IL22RA2: variants seen among roughly 807,000 people sequenced by gnomAD.
IL22RA2 encodes interleukin 22 receptor subunit alpha 2.
A neutral mutation model predicts 30.7 loss-of-function variants in IL22RA2; 39 were observed. That is an observed-to-expected ratio of 1.27 (90% CI 0.98 to 1.66). IL22RA2 has a LOEUF of 1.66. Among genes scored for constraint, IL22RA2 ranks in the 40% most tolerant of loss-of-function variants. The probability of loss-of-function intolerance (pLI) is 0.00; values close to 1 mark genes in which losing one functional copy is unlikely to be tolerated. For missense variants in IL22RA2, 315 were observed against 312.7 expected (o/e 1.01, Z -0.05); for synonymous variants, 103 against 105.0 (o/e 0.98, Z 0.11).
intron 2 of IL22RA2, among the ~76,000 whole-genome samples, chr6:137,161,201 C>T (rs1778514609): frequency 6.6e-6 from 1 of 152,188 alleles, no homozygotes; most frequent in Non-Finnish European, 1.5e-5. Context: ...AATCCCCATT[C>T]TACTAATGAG....
At chr6:137,147,395 A>AT (rs1778202440) in intron 6 of IL22RA2, among the ~76,000 whole-genome samples, 1 of 150,530 alleles carries the variant, frequency 6.6e-6, no homozygotes, top group Non-Finnish European at 1.5e-5. Context: ...AAATAAATAA[A>AT]TAAATAAATA....
intron 5 of IL22RA2, among the ~76,000 whole-genome samples, chr6:137,153,140 A>G (rs1778325060): frequency 6.6e-6 from 1 of 152,176 alleles, no homozygotes; most frequent in African/African-American, 2.4e-5. Flanking sequence ...GGGACCACAC[A>G]TACACCCATA....
Position 137,158,355 on chromosome 6 carries a change from C to A in IL22RA2, c.189G>T (p.Gln63His). 6.2e-7 allele frequency: 1 copy of A among 1,614,134 alleles called. No individual in the cohort carries two copies. The highest frequency in any genetic ancestry group is 8.5e-7 in the Non-Finnish European group (1 of 1,179,968). ...AGGCTCAATTTACTTACATTTTGTA[C>A]TGCACAAAATAGACACTGCTGTTGC... ...LTGNSSVYFV[Q>H]YKIMFSCSMK... The change falls in exon 3 of 7, where the codon CAG becomes CAT. Residue 63 changes from glutamine (Q) to histidine (H), a missense_variant. Coordinates refer to ENST00000296980, the MANE Select transcript of IL22RA2 (RefSeq NM_052962.3).
chr6:137,157,403 C>A (rs77590198), intron 3 of IL22RA2, among the ~76,000 whole-genome samples: 6,374 of 152,202 alleles, frequency 0.042, 160 homozygotes, highest in Middle Eastern at 0.085. Context: ...AAGATTTGTA[C>A]ATTTTACAAT....
intron 5 of IL22RA2, among the ~76,000 whole-genome samples, chr6:137,149,548 T>C (rs528578384): frequency 6.6e-4 from 100 of 152,300 alleles, no homozygotes; most frequent in Non-Finnish European, 3.4e-4. Context: ...TAAATGTCCC[T>C]CCAGGAATAA....
Position 137,145,578 on chromosome 6 carries a change from A to G in IL22RA2, c.*46T>C, listed in dbSNP as rs996537801. 2 of 1,558,412 alleles carry G rather than the reference A, an allele frequency of 1.3e-6. No individual in the cohort carries two copies. The highest frequency in any genetic ancestry group is 3.8e-5 in the Admixed American group (2 of 52,892). ...TTCAAACACGAGTCATCCTGTTCTC[A>G]GGGAGCTTTAGAATTTCCACATTGC... On this transcript the variant is annotated 3_prime_UTR_variant, in exon 7 of 7. Coordinates refer to ENST00000296980, the MANE Select transcript of IL22RA2 (RefSeq NM_052962.3).
intron 2 of IL22RA2, among the ~76,000 whole-genome samples, chr6:137,160,420 T>C (rs751791463): frequency 2.6e-5 from 4 of 152,208 alleles, no homozygotes; most frequent in Non-Finnish European, 5.9e-5. Context: ...TGAAGGAGAT[T>C]GCCAGGCAGC....
At chr6:137,163,157 A>G (rs1363600127) in intron 1 of IL22RA2, among the ~76,000 whole-genome samples, 1 of 152,194 alleles carries the variant, frequency 6.6e-6, no homozygotes, top group Non-Finnish European at 1.5e-5. Flanking sequence ...TCTTTCTCAA[A>G]ATATAACAAA....
Position 137,145,698 on chromosome 6 carries a change from C to T in IL22RA2, c.718G>A (p.Val240Met), listed in dbSNP as rs1778164849. 4 of 1,613,698 alleles carry T rather than the reference C, an allele frequency of 2.5e-6. No individual in the cohort carries two copies. In the South Asian group the frequency reaches 4.4e-5, roughly 18 times the overall value. The change falls in exon 7 of 7, where the codon GTG becomes ATG. Residue 240 changes from valine to methionine, a missense_variant. Val to Met is a conservative substitution (Grantham distance 21). Coordinates refer to ENST00000296980, the MANE Select transcript of IL22RA2 (RefSeq NM_052962.3). ...ALTPHSSYCV[V>M]AEIYQPMLDR... ...AACATGGGCTGATATATTTCAGCCA[C>T]TACACAGTAGCTGGAGTGTGGTGTT...
intron 5 of IL22RA2, among the ~76,000 whole-genome samples, chr6:137,152,277 T>TA (rs1328847918): frequency 6.6e-6 from 1 of 152,160 alleles, no homozygotes; most frequent in African/African-American, 2.4e-5. Flanking sequence ...CATGACTGTT[T>TA]ATAGTAGCAT....
At chr6:137,149,730 G>A (rs538775827) in intron 5 of IL22RA2, among the ~76,000 whole-genome samples, 1 of 152,304 alleles carries the variant, frequency 6.6e-6, no homozygotes, top group African/African-American at 2.4e-5. Flanking sequence ...TTTTTCTGGA[G>A]GAAGTCACAA....
At chr6:137,170,107 G>A (rs1403026968) in intron 1 of IL22RA2, among the ~76,000 whole-genome samples, 1 of 152,158 alleles carries the variant, frequency 6.6e-6, no homozygotes, top group Non-Finnish European at 1.5e-5. Context: ...AGACTCAATG[G>A]TAGACAGACA....
Position 137,145,564 on chromosome 6 carries a change from G to A in IL22RA2, c.*60C>T. ...TTTAAATAAGATCCTTCAAACACGA[G>A]TCATCCTGTTCTCAGGGAGCTTTAG... is the stretch of plus-strand genomic sequence containing the variant. On this transcript the variant is annotated 3_prime_UTR_variant, in exon 7 of 7. Coordinates refer to ENST00000296980, the MANE Select transcript of IL22RA2 (RefSeq NM_052962.3). 1.4e-6 allele frequency: 2 copies of A among 1,475,378 alleles called. No homozygotes were observed. Among genetic ancestry groups the A allele is most frequent in the East Asian group, 2.3e-5 (1 of 43,216 alleles). 91.4% of individuals were successfully genotyped at this position (1,475,378 alleles called of 1,614,324 possible). A position where few individuals can be genotyped will look rare whatever the true frequency, so the allele number is the denominator to read the frequency against.
intron 5 of IL22RA2, among the ~76,000 whole-genome samples, chr6:137,149,377 T>C (rs1323445740): frequency 6.6e-6 from 1 of 152,166 alleles, no homozygotes; most frequent in African/African-American, 2.4e-5. Context: ...ATAATCTCTA[T>C]TACCTTGCAT....
intron 1 of IL22RA2, among the ~76,000 whole-genome samples, chr6:137,171,645 C>T (rs536081885): frequency 6.6e-6 from 1 of 152,304 alleles, no homozygotes. Context: ...GACTGTGAGG[C>T]CTTGGGTGGA....
intron 6 of IL22RA2, 85 bp downstream of exon 6, chr6:137,147,637 A>G (rs2114347795): frequency 9.2e-7 from 1 of 1,087,536 alleles, no homozygotes; most frequent in South Asian, 1.8e-5. Flanking sequence ...GCAGAGTAGC[A>G]GAAGAGGACA....
chr6:137,153,165 C>T (rs1778325895), intron 5 of IL22RA2, among the ~76,000 whole-genome samples: 1 of 152,148 alleles, frequency 6.6e-6, no homozygotes, highest in Non-Finnish European at 1.5e-5. Flanking sequence ...TAGTCAATGC[C>T]TTGTTCATGA....
chr6:137,163,418 C>T (rs1027634574), intron 1 of IL22RA2, among the ~76,000 whole-genome samples: 2 of 152,146 alleles, frequency 1.3e-5, no homozygotes, highest in African/African-American at 4.8e-5. Context: ...GTCTCCTTTG[C>T]CTGTGGGTTA....
intron 5 of IL22RA2, among the ~76,000 whole-genome samples, chr6:137,153,210 GAACTT>G (rs1778327425): frequency 6.6e-6 from 1 of 152,140 alleles, no homozygotes; most frequent in Admixed American, 6.5e-5. Flanking sequence ...TTATGACAAA[GAACTT>G]AAGTTAATGT....
Sources: allele counts gnomAD v4.1 joint callset (sites outside exome capture counted in the v4.1 genomes callset), GRCh38; gene constraint gnomAD v4.1.1; transcripts MANE v1.5; gene names NCBI Gene and HGNC (gene_info 2026-07-23, HGNC 2026-07-21).